KRT73: variants seen among roughly 807,000 people sequenced by gnomAD.
KRT73 encodes the protein keratin 73.
A neutral mutation model predicts 47.2 loss-of-function variants in KRT73; 44 were observed. The ratio of observed to expected loss-of-function variants is 0.93; its 90% CI spans 0.73 to 1.20. The LOEUF (loss-of-function observed/expected upper bound fraction) is 1.20, where lower values mean the gene tolerates loss of function less well. Ranked by LOEUF, KRT73 falls within the 50% of genes most tolerant of loss-of-function variation. KRT73 has a pLI of 0.00. For synonymous variants in KRT73, 285 were observed against 291.3 expected (o/e 0.98, Z 0.22); for missense variants, 713 against 704.5 (o/e 1.01, Z -0.14).
In KRT73 at chr12:52,608,418, G is replaced by A. The variant is rs764613783; in HGVS notation, c.1401C>T (p.Gly467=). ...TGCTGAATCCAAAGCCAGCCCCTGT[G>A]CCTGCCATCCCGGCCATGGAGCTGT... ...VINSSMAGMA[G]TGAGFGFSNA... is the part of the protein sequence containing the mutation. The change falls in exon 9 of 9, where the codon GGC becomes GGT. Residue 467 remains glycine, a synonymous_variant. Coordinates refer to ENST00000305748, the MANE Select transcript of KRT73 (RefSeq NM_175068.3). 44 of 1,611,722 alleles carry A rather than the reference G, an allele frequency of 2.7e-5. No individual in the cohort carries two copies. The highest frequency in any genetic ancestry group is 1.8e-4 in the South Asian group (16 of 90,904).
chr12:52,619,989 A>G (rs762326639), upstream of KRT73, among the ~76,000 whole-genome samples: 9 of 151,590 alleles, frequency 5.9e-5, no homozygotes, highest in South Asian at 4.2e-4. Flanking sequence ...TTTATACAAT[A>G]TGGTTGTTTT....
chr12:52,616,469 C>CA (rs1196146326), intron 1 of KRT73, 89 bp from the exon 2 acceptor site: 1 of 1,506,620 alleles, frequency 6.6e-7, no homozygotes, highest in African/African-American at 1.4e-5. Context: ...TCTTATGCTA[C>CA]ATTAGCTTTA....
chr12:52,612,959 T>C (rs1347221245), intron 5 of KRT73: 1 of 152,206 alleles, frequency 6.6e-6, no homozygotes, highest in Non-Finnish European at 1.5e-5. Flanking sequence ...TGTGGAAGGC[T>C]TTGGGGACTG....
At chr12:52,620,222 T>C (rs1940882687), upstream of KRT73, among the ~76,000 whole-genome samples, 1 of 149,736 alleles carries the variant, frequency 6.7e-6, no homozygotes, top group South Asian at 2.1e-4. Context: ...CAAGGGATTC[T>C]CCTGCCTCAG....
the KRT73 span, among the ~76,000 whole-genome samples, chr12:52,626,626 T>C: frequency 6.6e-6 from 1 of 152,082 alleles, no homozygotes; most frequent in Admixed American, 6.6e-5. Context: ...GCTGGCCATG[T>C]GCTCATCTAA....
intron 3 of KRT73, 127 bp from the exon 4 acceptor site, chr12:52,614,801 C>T (rs1940778665): frequency 2.8e-6 from 2 of 706,586 alleles, no homozygotes; most frequent in South Asian, 2.0e-5. Context: ...GGGGCAGGAA[C>T]CGGCCTTCCA....
chr12:52,609,215 A>G, intron 8 of KRT73, 32 bp downstream of exon 8: 2 of 1,602,704 alleles, frequency 1.2e-6, no homozygotes, highest in South Asian at 2.2e-5. Flanking sequence ...TGATGGACTA[A>G]AAGTATTCCC....
Position 52,618,195 on chromosome 12 carries a change from G to C in KRT73, c.330C>G (p.Asn110Lys). The C allele has an allele frequency of 6.2e-7, 1 of 1,614,114 alleles. No homozygotes were observed. Among genetic ancestry groups the C allele is most frequent in the Admixed American group, 1.7e-5 (1 of 60,026 alleles). ...PPGGIHQVTI[N>K]KSLLAPLNVE... ...CGTTCAGGGGTGCCAGGAGGCTCTT[G>C]TTGATGGTGACCTGATGGATACCCC... Residue 110 changes from asparagine (N) to lysine (K), a missense_variant, in exon 1 of 9, where the codon AAC becomes AAG. Coordinates refer to ENST00000305748, the MANE Select transcript of KRT73 (RefSeq NM_175068.3).
chr12:52,615,242 G>A, intron 3 of KRT73, 37 bp downstream of exon 3: 1 of 1,583,758 alleles, frequency 6.3e-7, no homozygotes. Flanking sequence ...AGCACCCACT[G>A]CTGGGGGACT....
intron 1 of KRT73, 80 bp downstream of exon 1, chr12:52,617,998 G>A: frequency 2.8e-6 from 4 of 1,452,192 alleles, no homozygotes; most frequent in Non-Finnish European, 2.8e-6. Flanking sequence ...CAGGCAAATT[G>A]AACCACAAAT....
At chr12:52,614,713 C>G in intron 3 of KRT73, 39 bp from the exon 4 acceptor site, 2 of 1,553,568 alleles carry the variant, frequency 1.3e-6, no homozygotes, top group Non-Finnish European at 8.8e-7. Context: ...CACCTTTCTT[C>G]AAGCCCAGAC....
At chr12:52,610,420 T>C (rs766327836) in intron 7 of KRT73, 195 bp downstream of exon 7, 1 of 631,122 alleles carries the variant, frequency 1.6e-6, no homozygotes, top group East Asian at 2.8e-5. Flanking sequence ...GCTAAGACTT[T>C]CTCCAAAGAG....
rs1229205440 is a variant in KRT73 at position 52,615,263 on chromosome 12, C to A, written c.723+16G>T. The A allele has an allele frequency of 6.2e-7, 1 of 1,611,604 alleles. No individual in the cohort carries two copies. Among genetic ancestry groups the A allele is most frequent in the African/African-American group, 1.3e-5 (1 of 74,892 alleles). ...CACTGCTGGGGGACTGAAGGGAACC[C>A]ATGCACCCTCCTCACCTTCTTAAGC... On this transcript the variant is annotated intron_variant, in intron 3 of 8. Transcript: ENST00000305748.
Position 52,618,360 on chromosome 12 carries a change from C to T in KRT73, c.165G>A (p.Arg55=), listed in dbSNP as rs1252751452. The T allele has an allele frequency of 3.7e-6, 6 of 1,614,088 alleles. No homozygotes were observed. The African/African-American group carries it at 4.0e-5, about 11-fold the overall frequency. The change falls in exon 1 of 9, where the codon CGG becomes CGA. Residue 55 remains arginine, a synonymous_variant. Coordinates refer to ENST00000305748, the MANE Select transcript of KRT73 (RefSeq NM_175068.3). ...SRSLYSLGGA[R]SISFNVASGS... is the part of the protein sequence containing the mutation. ...CACTGGCCACATTGAAAGAGATGCTCCGGGCACCCCCCAGGCTGTAAAGGC... is the reference window on the plus strand; with the variant it reads ...CACTGGCCACATTGAAAGAGATGCTTCGGGCACCCCCCAGGCTGTAAAGGC...
upstream of KRT73, among the ~76,000 whole-genome samples, chr12:52,618,863 G>A (rs981664552): frequency 1.3e-5 from 2 of 152,232 alleles, no homozygotes; most frequent in South Asian, 2.1e-4. Context: ...CCCAGGGAGT[G>A]GTGGGGCCTG....
chr12:52,621,287 G>GA (rs1279616874), upstream of KRT73, among the ~76,000 whole-genome samples: 1 of 55,414 alleles, frequency 1.8e-5, no homozygotes, highest in Non-Finnish European at 3.5e-5. Flanking sequence ...AAGAGAGAAA[G>GA]AAAGGGGGGG....
At chr12:52,609,123 T>C (rs1940642821) in intron 8 of KRT73, 124 bp downstream of exon 8, 1 of 818,826 alleles carries the variant, frequency 1.2e-6, no homozygotes, top group African/African-American at 1.7e-5. Flanking sequence ...GGAAGGTGAG[T>C]ATGTGACCAA....
At chr12:52,625,744 A>G in the KRT73 span, among the ~76,000 whole-genome samples, 1 of 152,220 alleles carries the variant, frequency 6.6e-6, no homozygotes, top group East Asian at 1.9e-4. Flanking sequence ...GGTGCCCTTC[A>G]ATGGGTGGCA....
intron 5 of KRT73, chr12:52,612,898 A>G (rs1592243284): frequency 6.6e-6 from 1 of 152,174 alleles, no homozygotes; most frequent in East Asian, 1.9e-4. Flanking sequence ...AATAAGCAAT[A>G]ATAATACTGT....
Sources: allele counts gnomAD v4.1 joint callset (sites outside exome capture counted in the v4.1 genomes callset), GRCh38; gene constraint gnomAD v4.1.1; transcripts MANE v1.5; gene names NCBI Gene and HGNC (gene_info 2026-07-23, HGNC 2026-07-21).